The following ATAD5 variants were observed in gnomAD, a reference collection of about 807,000 sequenced individuals.
The protein encoded by ATAD5 is ATPase family AAA domain-containing protein 5.
A neutral mutation model predicts 176.9 loss-of-function variants in ATAD5; 58 were observed. The observed-to-expected ratio is 0.33, with a 90% confidence interval of 0.27 to 0.41. ATAD5 has a LOEUF of 0.41. ATAD5 is among the 10% of genes least tolerant of loss of function. ATAD5 has a pLI of 1.00. For missense variants in ATAD5, 1,789 were observed against 2,094.1 expected (o/e 0.85, Z 2.84); for synonymous variants, 640 against 712.6 (o/e 0.90, Z 1.62).
intron 14 of ATAD5, among the ~76,000 whole-genome samples, chr17:30,874,224 C>A (rs1428999132): frequency 6.7e-6 from 1 of 150,274 alleles, no homozygotes; most frequent in African/African-American, 2.4e-5. Flanking sequence ...ATCAAGCAGT[C>A]CTTGGTCTAT....
Position 30,832,076 on chromosome 17 carries a change from G to A in ATAD5, c.-272G>A. Reference sequence around the variant, plus strand: ...CCCGGTCCCGAGCGCTCAGCCTGAAGCGCCGCTTTCGAGGGCACCCTGCAT... The same window carrying A: ...CCCGGTCCCGAGCGCTCAGCCTGAAACGCCGCTTTCGAGGGCACCCTGCAT... On this transcript the variant is annotated 5_prime_UTR_variant, in exon 1 of 23. Transcript: ENST00000321990. The A allele has an allele frequency of 2.6e-6, 1 of 383,440 alleles. No individual in the cohort carries two copies. Among genetic ancestry groups the A allele is most frequent in the Non-Finnish European group, 4.6e-6 (1 of 216,732 alleles). 23.8% of individuals were successfully genotyped at this position (383,440 alleles called of 1,614,324 possible).
At chr17:30,846,930 G>T (rs62070644) in intron 6 of ATAD5, among the ~76,000 whole-genome samples, 35,818 of 151,470 alleles carry the variant, frequency 0.24, 4,356 homozygotes, top group Middle Eastern at 0.28. Context: ...TGTTGGTCGG[G>T]CTGGTCTCTA....
At chr17:30,876,750 T>G (rs918012128) in intron 15 of ATAD5, among the ~76,000 whole-genome samples, 200 bp downstream of exon 15, 7 of 140,516 alleles carry the variant, frequency 5.0e-5, no homozygotes, top group African/African-American at 1.9e-4. Context: ...TCTTGCTCTA[T>G]TGCCAGGCCA....
At chr17:30,856,862 A>G (rs2142363523) in intron 7 of ATAD5, 93 bp from the exon 8 acceptor site, 1 of 1,167,168 alleles carries the variant, frequency 8.6e-7, no homozygotes, top group East Asian at 2.9e-5. Flanking sequence ...TTAATTATGT[A>G]GTTGTCAACT....
Position 30,860,499 on chromosome 17 carries a change from C to T in ATAD5, c.3023C>T (p.Ser1008Leu), listed in dbSNP as rs1304221687. ...CTCGTAGAAGCAGAAAATTCTAAGT[C>T]AAAAAGAAAGAAACCAAATGAGTAT... ...RKLVEAENSK[S>L]KRKKPNEYSK... Residue 1008 changes from serine to leucine, a missense_variant, in exon 10 of 23, where the codon TCA becomes TTA. By Grantham distance (145) the Ser-to-Leu change is moderately radical. Around this residue, in one of 6 missense-constraint regions of ATAD5, gnomAD observed 487 missense variants for 573.6 expected, o/e 0.85. Coordinates refer to ENST00000321990, the MANE Select transcript of ATAD5 (RefSeq NM_024857.5). The T allele has an allele frequency of 6.2e-7, 1 of 1,600,256 alleles. No individual in the cohort carries two copies. The highest frequency in any genetic ancestry group is 1.4e-5 in the African/African-American group (1 of 73,538).
chr17:30,867,814 AG>A (rs1872570601), intron 11 of ATAD5, among the ~76,000 whole-genome samples: 1 of 152,168 alleles, frequency 6.6e-6, no homozygotes, highest in South Asian at 2.1e-4. Flanking sequence ...TGTGTTGCCC[AG>A]GCTGGTTGCA....
intron 17 of ATAD5, among the ~76,000 whole-genome samples, chr17:30,878,718 G>GGTTTTT (rs1908812554): frequency 7.0e-5 from 4 of 56,834 alleles, no homozygotes; most frequent in African/African-American, 2.0e-4. Context: ...GTTAGGTGGT[G>GGTTTTT]TTTTTTTTTT....
At chr17:30,845,054 C>A in intron 6 of ATAD5, 138 bp downstream of exon 6, 2 of 774,738 alleles carry the variant, frequency 2.6e-6, no homozygotes, top group Non-Finnish European at 2.0e-6. Flanking sequence ...ACAATATTGA[C>A]AGTGCTGCAA....
At chr17:30,840,043 C>T (rs915684433) in intron 3 of ATAD5, among the ~76,000 whole-genome samples, 9 of 151,662 alleles carry the variant, frequency 5.9e-5, no homozygotes, top group African/African-American at 9.7e-5. Flanking sequence ...ACTAAAAATA[C>T]GAAAATTAGC....
chr17:30,878,730 T>TTTTG (rs1908828986), intron 17 of ATAD5, among the ~76,000 whole-genome samples: 1 of 95,186 alleles, frequency 1.1e-5, no homozygotes, highest in South Asian at 4.9e-4. Flanking sequence ...TTTTTTTTTT[T>TTTTG]TTTTTTTTTT....
At chr17:30,856,877 A>G (rs901675462) in intron 7 of ATAD5, 78 bp from the exon 8 acceptor site, 10 of 1,325,244 alleles carry the variant, frequency 7.5e-6, no homozygotes, top group African/African-American at 3.1e-5. Context: ...TCAACTTTTC[A>G]TGTTTACGTA....
Position 30,893,466 on chromosome 17 carries a change from G to A in ATAD5, c.4613G>A (p.Ser1538Asn), listed in dbSNP as rs1909741933. The change falls in exon 21 of 23, where the codon AGT becomes AAT. Residue 1538 changes from serine to asparagine, a missense_variant. Ser to Asn is a conservative substitution (Grantham distance 46). Around this residue, in one of 6 missense-constraint regions of ATAD5, gnomAD observed 403 missense variants for 495.1 expected, o/e 0.81. Coordinates refer to ENST00000321990, the MANE Select transcript of ATAD5 (RefSeq NM_024857.5). ...FCGPSVTVDA[S>N]AATKSMNCLA... is the part of the protein sequence containing the mutation. The stretch of plus-strand genomic sequence containing the variant: ...GGCCCATCAGTAACTGTGGATGCCA[G>A]TGCAGCAACAAAAAGTATGAATTGT... 1 of 1,613,834 alleles carries A rather than the reference G, an allele frequency of 6.2e-7. No individual in the cohort carries two copies. Among genetic ancestry groups the A allele is most frequent in the Non-Finnish European group, 8.5e-7 (1 of 1,179,928 alleles).
In ATAD5 at chr17:30,868,427, T is replaced by TC; in HGVS notation, c.3313+15_3313+16insC. 6.0e-6 allele frequency: 1 copy of TC among 166,096 alleles called. No individual in the cohort carries two copies. The highest frequency in any genetic ancestry group is 1.0e-5 in the Non-Finnish European group (1 of 97,982). 10.3% of individuals were successfully genotyped at this position (166,096 alleles called of 1,614,324 possible). ...GAAACATGAAGGTATTTTGTGTGTCTTTTTTTTTTTTTTTACCATTTCACT... is the reference window on the plus strand; with the variant it reads ...GAAACATGAAGGTATTTTGTGTGTCTCTTTTTTTTTTTTTTACCATTTCACT... On this transcript the variant is annotated intron_variant, in intron 12 of 22. Transcript: ENST00000321990.
intron 6 of ATAD5, among the ~76,000 whole-genome samples, chr17:30,846,652 T>C (rs1041916459): frequency 1.7e-4 from 26 of 151,996 alleles, no homozygotes; most frequent in African/African-American, 5.6e-4. Flanking sequence ...CCGCCTGCCT[T>C]GGCCTCCCAA....
chr17:30,895,355 T>C lies in ATAD5; in HGVS notation c.*442T>C, dbSNP rs1382495085. ...AAAAACATTATCTGGTGAATTATAT[T>C]TTTAACCTAAAAGTTAAGGATCCTC... On this transcript the variant is annotated 3_prime_UTR_variant, in exon 23 of 23. Transcript: ENST00000321990. 6.6e-6 allele frequency: 1 copy of C among 152,228 alleles called. No homozygotes were observed. Among genetic ancestry groups the C allele is most frequent in the Non-Finnish European group, 1.5e-5 (1 of 68,240 alleles). 9.4% of individuals were successfully genotyped at this position (152,228 alleles called of 1,614,324 possible).
chr17:30,834,670 A>G lies in ATAD5; in HGVS notation c.589A>G (p.Thr197Ala), dbSNP rs1905594371. 6.2e-7 allele frequency: 1 copy of G among 1,610,306 alleles called. No homozygotes were observed. The highest frequency in any genetic ancestry group is 1.3e-5 in the African/African-American group (1 of 74,614). The change falls in exon 2 of 23, where the codon ACC (threonine) becomes GCC (alanine). Residue 197 changes from threonine to alanine, a missense_variant. Physicochemically the swap from Thr to Ala is moderately conservative, Grantham distance 58. Transcript: ENST00000321990. ...NSKKVNPKQGTTKNDFKKLRK... is the reference protein window; with the variant it reads ...NSKKVNPKQGATKNDFKKLRK... ...TAAAAAAGTAAATCCTAAACAAGGGACCACAAAAAATGACTTCAAAAAGTT... is the reference window on the plus strand; with the variant it reads ...TAAAAAAGTAAATCCTAAACAAGGGGCCACAAAAAATGACTTCAAAAAGTT...
chr17:30,878,640 T>C (rs1183135657), intron 17 of ATAD5, among the ~76,000 whole-genome samples: 1 of 150,360 alleles, frequency 6.7e-6, no homozygotes, highest in South Asian at 2.1e-4. Flanking sequence ...AGTCTCTACT[T>C]ACAAATTAAT....
At chr17:30,894,415 G>A (rs937589777) in intron 21 of ATAD5, 149 bp from the exon 22 acceptor site, 5 of 814,126 alleles carry the variant, frequency 6.1e-6, no homozygotes, top group Non-Finnish European at 9.3e-6. Context: ...GATTTTTTCA[G>A]TATGGGAGTG....
chr17:30,865,520 G>T (rs190994361), intron 10 of ATAD5, among the ~76,000 whole-genome samples, 184 bp from the exon 11 acceptor site: 3 of 152,006 alleles, frequency 2.0e-5, no homozygotes, highest in Non-Finnish European at 1.5e-5. Flanking sequence ...TTTTTTAGGG[G>T]GAAGGGTTTG....
Sources: gnomAD v4.1 joint callset for allele counts (sites outside exome capture counted in the v4.1 genomes callset) on GRCh38, gnomAD v4.1.1 for gene constraint, gnomAD v4.1.1 regional missense constraint, MANE v1.5 for transcripts, NCBI Gene and HGNC (gene_info 2026-07-23, HGNC 2026-07-21) for gene names.